The following ZNF317 variants were observed in gnomAD, a reference collection of about 807,000 sequenced individuals.
ZNF317 encodes zinc finger protein 317.
A neutral mutation model predicts 23.4 loss-of-function variants in ZNF317; 17 were observed. The observed-to-expected ratio is 0.73, with a 90% CI of 0.50 to 1.09. The LOEUF (loss-of-function observed/expected upper bound fraction) is 1.09, where lower values mean the gene tolerates loss of function less well. Ranked by LOEUF, ZNF317 falls within the 50% of genes least tolerant of loss-of-function variation. ZNF317 has a pLI of 0.00. For missense variants in ZNF317, 679 were observed against 796.7 expected, an observed-to-expected ratio of 0.85 and a Z score of 1.78; for synonymous variants, 317 against 314.9, an observed-to-expected ratio of 1.01 and a Z score of -0.07.
Position 9,162,959 on chromosome 19 carries a change from C to G in ZNF317, c.*1526C>G, listed in dbSNP as rs544257401. On this transcript the variant is annotated 3_prime_UTR_variant, in exon 7 of 7. Transcript: ENST00000247956. ...TGACAGATACTTCTAGTGACTTCCC[C>G]GGTATCCACTCTCATCTTCTTCCAA... 1 of 152,148 alleles carries G rather than the reference C, an allele frequency of 6.6e-6. No homozygotes were observed. Among genetic ancestry groups the G allele is most frequent in the African/African-American group, 2.4e-5 (1 of 41,426 alleles). The allele number at this position is 152,148 out of a possible 1,614,324, so 9.4% of individuals were successfully genotyped here.
At chr19:9,142,445 G>A (rs745611755) in intron 1 of ZNF317, among the ~76,000 whole-genome samples, 6 of 151,834 alleles carry the variant, frequency 4.0e-5, no homozygotes, top group African/African-American at 1.2e-4. Flanking sequence ...TGTGTCTGCC[G>A]AAGGCTTTTC....
intron 1 of ZNF317, among the ~76,000 whole-genome samples, chr19:9,147,834 C>T (rs1335083603): frequency 2.0e-5 from 3 of 152,160 alleles, no homozygotes; most frequent in Non-Finnish European, 2.9e-5. Flanking sequence ...TATCCGCCCC[C>T]TCCCCCCCTC....
rs2050844819 is a variant in ZNF317 at position 9,160,882 on chromosome 19, A to G, written c.1237A>G (p.Ile413Val). 6.2e-7 allele frequency: 1 copy of G among 1,614,224 alleles called. No homozygotes were observed. Among genetic ancestry groups the G allele is most frequent in the Middle Eastern group, 1.6e-4 (1 of 6,062 alleles). ...CCGGAGGAAACACATGAGGATTCAC[A>G]TCGTCAAGAAACCCGTGGAATGTCG... ...VSRRKHMRIH[I>V]VKKPVECRQC... Residue 413 changes from isoleucine to valine, a missense_variant, in exon 7 of 7, where the codon ATC becomes GTC. Coordinates refer to ENST00000247956, the MANE Select transcript of ZNF317 (RefSeq NM_020933.5). This position sits in a 1 kb window ranked among gnomAD's most constrained non-coding sequence, Gnocchi z 6.8.
intron 3 of ZNF317, 24 bp from the exon 4 acceptor site, chr19:9,157,244 C>G (rs530529158): frequency 6.2e-7 from 1 of 1,612,476 alleles, no homozygotes; most frequent in East Asian, 2.2e-5. Context: ...TCCTCGCTGA[C>G]CCCAAGTTTG....
At chr19:9,150,399 G>T (rs549654128) in intron 1 of ZNF317, among the ~76,000 whole-genome samples, 2 of 152,306 alleles carry the variant, frequency 1.3e-5, no homozygotes, top group South Asian at 2.1e-4. Flanking sequence ...GAGTTTTGAT[G>T]AACTGACTCT....
At chr19:9,154,043 A>G (rs2050760443) in intron 1 of ZNF317, among the ~76,000 whole-genome samples, 1 of 152,184 alleles carries the variant, frequency 6.6e-6, no homozygotes, top group South Asian at 2.1e-4. Context: ...CTGAAAGTAA[A>G]GGAGAGCCAG....
rs1467167020 is a variant in ZNF317, at chr19:9,160,537, C to G, written c.892C>G (p.Arg298Gly). The change falls in exon 7 of 7, where the codon CGA becomes GGA. Residue 298 changes from arginine (R) to glycine (G), a missense_variant. Physicochemically the swap from Arg to Gly is moderately radical, Grantham distance 125. Coordinates refer to ENST00000247956, the MANE Select transcript of ZNF317 (RefSeq NM_020933.5). The surrounding 1 kb of genome is among the most constrained non-coding windows in gnomAD (Gnocchi z 6.8). ...RTLSALKIHMRVHTGERPYKC... is the reference protein window; with the variant it reads ...RTLSALKIHMGVHTGERPYKC... ...CCTCTCGGCCCTGAAAATCCACATG[C>G]GAGTTCACACTGGCGAGAGGCCTTA... 6.2e-7 allele frequency: 1 copy of G among 1,614,154 alleles called. No individual in the cohort carries two copies. Among genetic ancestry groups the G allele is most frequent in the Non-Finnish European group, 8.5e-7 (1 of 1,180,046 alleles).
chr19:9,147,501 C>T (rs1412959131), intron 1 of ZNF317, among the ~76,000 whole-genome samples: 5 of 152,136 alleles, frequency 3.3e-5, no homozygotes, highest in African/African-American at 4.8e-5. Flanking sequence ...CCACCGCGCC[C>T]GGCTAATTTT....
intron 1 of ZNF317, among the ~76,000 whole-genome samples, chr19:9,148,964 A>G (rs1399574853): frequency 6.6e-6 from 1 of 152,180 alleles, no homozygotes; most frequent in South Asian, 2.1e-4. Context: ...TCTATGACCA[A>G]CATGGCCAAG....
intron 1 of ZNF317, among the ~76,000 whole-genome samples, chr19:9,151,198 A>C (rs910150951): frequency 1.3e-5 from 2 of 152,164 alleles, no homozygotes; most frequent in African/African-American, 4.8e-5. Context: ...CAGTGACTTA[A>C]TGTCAGAACC....
rs1399473534 is a variant in ZNF317, at chr19:9,158,055, C to T, written c.365C>T (p.Ala122Val). ...EEEPRTEERG[A>V]HQGACADWET... ...GAGCCGAGGACAGAGGAGAGGGGCG[C>T]TCACCAGGGCGCTTGTGCAGGTGAG... Residue 122 changes from alanine (A) to valine (V), a missense_variant, in exon 5 of 7, where the codon GCT becomes GTT. Ala to Val is a moderately conservative substitution (Grantham distance 64). Coordinates refer to ENST00000247956, the MANE Select transcript of ZNF317 (RefSeq NM_020933.5). 1.3e-6 allele frequency: 2 copies of T among 1,551,292 alleles called. No individual in the cohort carries two copies. Among genetic ancestry groups the T allele is most frequent in the Admixed American group, 3.9e-5 (2 of 50,970 alleles).
chr19:9,159,491 C>T (rs1012669641), intron 6 of ZNF317, among the ~76,000 whole-genome samples: 1 of 152,002 alleles, frequency 6.6e-6, no homozygotes, highest in African/African-American at 2.4e-5. Context: ...CTTGAGCCAC[C>T]ATGCCCAGCC....
chr19:9,157,215 T>C, intron 3 of ZNF317, 53 bp from the exon 4 acceptor site: 1 of 1,597,812 alleles, frequency 6.3e-7, no homozygotes, highest in Non-Finnish European at 8.5e-7. Flanking sequence ...CATCTTACCA[T>C]GAACATCGTT....
chr19:9,158,089 AG>A lies in ZNF317; in HGVS notation c.385+16del. 6.5e-7 allele frequency: 1 copy of A among 1,548,372 alleles called. No homozygotes were observed. The highest frequency in any genetic ancestry group is 8.7e-7 in the Non-Finnish European group (1 of 1,145,792). ...GCGCTTGTGCAGGTGAGCGAGCCCCAGGCAAAGAGCGGTGCTGTGACTCTAC... is the reference window on the plus strand; with the variant it reads ...GCGCTTGTGCAGGTGAGCGAGCCCCAGCAAAGAGCGGTGCTGTGACTCTAC... On this transcript the variant is annotated intron_variant, in intron 5 of 6. Coordinates refer to ENST00000247956, the MANE Select transcript of ZNF317 (RefSeq NM_020933.5).
chr19:9,141,525 T>A (rs1249157254), intron 1 of ZNF317, among the ~76,000 whole-genome samples: 4 of 152,356 alleles, frequency 2.6e-5, no homozygotes, highest in African/African-American at 9.6e-5. Context: ...AACAATCTTT[T>A]TCTGTATTGA....
In ZNF317 at chr19:9,160,620, G is replaced by C. The variant is rs2050839921; in HGVS notation, c.975G>C (p.Lys325Asn). 3.1e-6 allele frequency: 5 copies of C among 1,614,176 alleles called. No individual in the cohort carries two copies. In the South Asian group the frequency reaches 3.3e-5, roughly 11 times the overall value. ...GGAGCTGCCACCTCATCGCACACAA[G>C]AGAACGCACACCGGAGAGAGGCCCT... is the stretch of plus-strand genomic sequence containing the variant. Reference protein sequence around the residue: ...YGRSCHLIAHKRTHTGERPYE... With the variant: ...YGRSCHLIAHNRTHTGERPYE... Residue 325 changes from lysine (K) to asparagine (N), a missense_variant, in exon 7 of 7, where the codon AAG becomes AAC. Physicochemically the swap from Lys to Asn is moderately conservative, Grantham distance 94. Transcript: ENST00000247956. This position sits in a 1 kb window ranked among gnomAD's most constrained non-coding sequence, Gnocchi z 6.8.
chr19:9,160,600 T>C lies in ZNF317; in HGVS notation c.955T>C (p.Cys319Arg), dbSNP rs1304116490. Residue 319 changes from cysteine to arginine, a missense_variant, in exon 7 of 7, where the codon TGC becomes CGC. By Grantham distance (180) the Cys-to-Arg change is radical. Transcript: ENST00000247956. This position sits in a 1 kb window ranked among gnomAD's most constrained non-coding sequence, Gnocchi z 6.8. Reference protein sequence around the residue: ...DQCGKAYGRSCHLIAHKRTHT... With the variant: ...DQCGKAYGRSRHLIAHKRTHT... ...GTGCGGGAAGGCTTACGGCCGGAGC[T>C]GCCACCTCATCGCACACAAGAGAAC... The C allele has an allele frequency of 6.8e-6, 11 of 1,613,936 alleles. No homozygotes were observed. Among genetic ancestry groups the C allele is most frequent in the Non-Finnish European group, 9.3e-6 (11 of 1,180,036 alleles).
intron 1 of ZNF317, among the ~76,000 whole-genome samples, chr19:9,147,330 G>GTTTTTTTTTTTTTTTTTTTTTTTTTTT (rs35259257): frequency 1.8e-5 from 2 of 110,172 alleles, no homozygotes; most frequent in African/African-American, 7.8e-5. Flanking sequence ...AATGACACTG[G>GTTTTTTTTTTTTTTTTTTTTTTTTTTT]TTTTTTTTTT....
Position 9,160,728 on chromosome 19 carries a change from C to T in ZNF317, c.1083C>T (p.Pro361=), listed in dbSNP as rs755518450. The T allele has an allele frequency of 3.7e-6, 6 of 1,613,510 alleles. No individual in the cohort carries two copies. Among genetic ancestry groups the T allele is most frequent in the East Asian group, 2.2e-5 (1 of 44,742 alleles). Residue 361 remains proline (P), a synonymous_variant, in exon 7 of 7, where the codon CCC becomes CCT. Coordinates refer to ENST00000247956, the MANE Select transcript of ZNF317 (RefSeq NM_020933.5). This position sits in a 1 kb window ranked among gnomAD's most constrained non-coding sequence, Gnocchi z 6.8. ...TGAGGAATCACACGGGGGAGAAGCC[C>T]TACGCGTGCACGCAGTGCGGCAAAG... The part of the protein sequence containing the change: ...EHVRNHTGEK[P]YACTQCGKAF...
Sources: gnomAD v4.1 joint callset for allele counts (sites outside exome capture counted in the v4.1 genomes callset) on GRCh38, gnomAD v4.1.1 for gene constraint, Gnocchi (gnomAD v3.1) non-coding constraint, MANE v1.5 for transcripts, NCBI Gene and HGNC (gene_info 2026-07-23, HGNC 2026-07-21) for gene names.